The following SPOCK1 variants were observed in gnomAD, a reference collection of about 807,000 sequenced individuals.
SPOCK1 encodes the protein SPARC (osteonectin), cwcv and kazal like domains proteoglycan 1.
SPOCK1 carries 23 observed loss-of-function variants against 55.3 expected under a neutral mutation model. The observed-to-expected ratio is 0.42, with a 90% CI of 0.30 to 0.59. SPOCK1 has a LOEUF of 0.59. SPOCK1 is among the 20% of genes least tolerant of loss of function. SPOCK1 has a pLI of 0.22. For missense variants in SPOCK1, 499 were observed against 552.5 expected, an observed-to-expected ratio of 0.90 and a Z score of 0.97; for synonymous variants, 226 against 221.0, an observed-to-expected ratio of 1.02 and a Z score of -0.20.
chr5:137,244,379 C>G (rs1352857720), intron 3 of SPOCK1, among the ~76,000 whole-genome samples: 1 of 151,810 alleles, frequency 6.6e-6, no homozygotes, highest in South Asian at 2.1e-4. Flanking sequence ...TTCCACTATG[C>G]GATTTTCAAA....
At chr5:137,279,461 T>C (rs1757129547) in intron 2 of SPOCK1, among the ~76,000 whole-genome samples, 1 of 152,194 alleles carries the variant, frequency 6.6e-6, no homozygotes, top group Non-Finnish European at 1.5e-5. Flanking sequence ...TTCCAGAGGA[T>C]GGACACACAG....
chr5:137,082,655 C>A (rs1446897372), intron 5 of SPOCK1, among the ~76,000 whole-genome samples: 1 of 152,122 alleles, frequency 6.6e-6, no homozygotes, highest in African/African-American at 2.4e-5. Flanking sequence ...GGTCAATCAG[C>A]CTTAGATTTC....
chr5:137,480,891 G>A (rs572383306), intron 2 of SPOCK1, among the ~76,000 whole-genome samples: 4 of 152,084 alleles, frequency 2.6e-5, no homozygotes, highest in African/African-American at 9.6e-5. Flanking sequence ...AATGAGGAGA[G>A]GGAAGAGGAA....
intron 4 of SPOCK1, among the ~76,000 whole-genome samples, chr5:137,122,486 G>A (rs1753705216): frequency 1.3e-5 from 2 of 152,180 alleles, no homozygotes; most frequent in Non-Finnish European, 2.9e-5. Context: ...TTTGTCCACT[G>A]ACCTTTGGCA....
chr5:137,244,532 A>G (rs376478582), intron 3 of SPOCK1, among the ~76,000 whole-genome samples: 74 of 152,368 alleles, frequency 4.9e-4, no homozygotes, highest in African/African-American at 1.7e-3. Context: ...GGAAAAATTA[A>G]TTTCTGACAG....
intron 2 of SPOCK1, among the ~76,000 whole-genome samples, chr5:137,422,510 C>A (rs115493769): frequency 1.3e-5 from 2 of 152,318 alleles, no homozygotes; most frequent in Non-Finnish European, 2.9e-5. Flanking sequence ...CTCTAAACTT[C>A]TCTTATCGCA....
intron 6 of SPOCK1, among the ~76,000 whole-genome samples, chr5:137,005,434 C>G (rs1289797805): frequency 1.3e-5 from 2 of 151,668 alleles, no homozygotes; most frequent in African/African-American, 4.8e-5. Flanking sequence ...AAACTTACCA[C>G]AGAACACTTA....
In SPOCK1 at chr5:137,261,704, A is replaced by T. The variant is rs528738957; in HGVS notation, c.232+5306T>A. On this transcript the variant is annotated intron_variant, in intron 3 of 10. Coordinates refer to ENST00000394945, the MANE Select transcript of SPOCK1 (RefSeq NM_004598.4). ...GATTAGTATTCACTCCAGAATAAAA[A>T]GCATCATCTTTAAAACCAATGTCTA... is the stretch of plus-strand genomic sequence containing the variant. Among the ~76,000 whole-genome samples, 4 of 152,368 alleles carry T rather than the reference A, an allele frequency of 2.6e-5. No individual in the cohort carries two copies. The South Asian group carries it at 8.3e-4, about 32-fold the overall frequency.
chr5:137,233,400 C>T (rs1459587005), intron 3 of SPOCK1, among the ~76,000 whole-genome samples: 1 of 152,254 alleles, frequency 6.6e-6, no homozygotes, highest in South Asian at 2.1e-4. Flanking sequence ...CAGTTCACAA[C>T]AGGGTTCATG....
intron 3 of SPOCK1, among the ~76,000 whole-genome samples, chr5:137,235,688 CCA>C (rs1398209026): frequency 6.6e-6 from 1 of 152,202 alleles, no homozygotes; most frequent in Non-Finnish European, 1.5e-5. Flanking sequence ...GGTATGAATG[CCA>C]CAGTGTGGCA....
At chr5:137,342,655 AT>A (rs1366709232) in intron 2 of SPOCK1, among the ~76,000 whole-genome samples, 4 of 152,270 alleles carry the variant, frequency 2.6e-5, no homozygotes, top group African/African-American at 9.6e-5. Context: ...GTTATTTAAA[AT>A]AAAGAAATCT....
chr5:137,124,301 A>ACCAC (rs1176073642), intron 4 of SPOCK1, among the ~76,000 whole-genome samples: 38 of 152,248 alleles, frequency 2.5e-4, no homozygotes, highest in African/African-American at 8.9e-4. Flanking sequence ...TGAGCAGCTC[A>ACCAC]CCACCCAGCC....
At chr5:137,226,871 A>G (rs1755956983) in intron 3 of SPOCK1, among the ~76,000 whole-genome samples, 1 of 152,242 alleles carries the variant, frequency 6.6e-6, no homozygotes. Flanking sequence ...TTGTATTCAG[A>G]TTATAAGCTT....
chr5:137,363,599 C>G (rs1288431219), intron 2 of SPOCK1, among the ~76,000 whole-genome samples: 1 of 152,166 alleles, frequency 6.6e-6, no homozygotes, highest in East Asian at 1.9e-4. Context: ...AGTTAAGAAT[C>G]CTTACTGTCC....
intron 6 of SPOCK1, among the ~76,000 whole-genome samples, chr5:137,006,748 G>T (rs1751257330): frequency 6.6e-6 from 1 of 152,146 alleles, no homozygotes; most frequent in Non-Finnish European, 1.5e-5. Flanking sequence ...AATAGTAGTG[G>T]TGAGATAGGG....
At chr5:137,120,843 G>A (rs1307480629) in intron 4 of SPOCK1, among the ~76,000 whole-genome samples, 1 of 152,198 alleles carries the variant, frequency 6.6e-6, no homozygotes, top group Non-Finnish European at 1.5e-5. Flanking sequence ...CTACAGCAAT[G>A]CTTAAAGAAA....
intron 2 of SPOCK1, among the ~76,000 whole-genome samples, chr5:137,344,101 T>C (rs1296254079): frequency 1.3e-5 from 2 of 152,244 alleles, no homozygotes; most frequent in African/African-American, 4.8e-5. Flanking sequence ...AAAAACCTAA[T>C]AGAATTTAAT....
chr5:137,119,419 T>G (rs769210710), intron 4 of SPOCK1, among the ~76,000 whole-genome samples: 1 of 152,224 alleles, frequency 6.6e-6, no homozygotes, highest in Non-Finnish European at 1.5e-5. Context: ...CCTCTGTTGT[T>G]AGGGTTATTT....
chr5:137,172,845 G>C (rs1326433919), intron 3 of SPOCK1, among the ~76,000 whole-genome samples: 1 of 152,140 alleles, frequency 6.6e-6, no homozygotes, highest in Non-Finnish European at 1.5e-5. Context: ...TATAACCCAG[G>C]GTCCCTGCCT....
Sources: gnomAD v4.1 joint callset for allele counts (sites outside exome capture counted in the v4.1 genomes callset) on GRCh38, gnomAD v4.1.1 for gene constraint, MANE v1.5 for transcripts, NCBI Gene and HGNC (gene_info 2026-07-23, HGNC 2026-07-21) for gene names.